Variants in ATP13A4 observed in about 807,000 individuals in gnomAD.
ATP13A4 encodes the protein ATPase 13A4.
A neutral mutation model predicts 142.5 loss-of-function variants in ATP13A4; 114 were observed. The observed-to-expected ratio is 0.80, with a 90% CI of 0.69 to 0.93. The LOEUF is 0.93. ATP13A4 is among the 40% of genes least tolerant of loss of function. The probability of loss-of-function intolerance (pLI) is 0.00; values close to 1 mark genes in which losing one functional copy is unlikely to be tolerated. For missense variants in ATP13A4, 1,392 were observed against 1,454.0 expected, an observed-to-expected ratio of 0.96 and a Z score of 0.69; for synonymous variants, 488 against 514.8, an observed-to-expected ratio of 0.95 and a Z score of 0.70.
chr3:193,430,498 G>A (rs1487273277), intron 25 of ATP13A4, among the ~76,000 whole-genome samples: 4 of 152,122 alleles, frequency 2.6e-5, no homozygotes, highest in African/African-American at 7.2e-5. Flanking sequence ...GGAAAGTACT[G>A]TGAAAACATA....
chr3:193,591,572 C>T (rs1242947876), intron 1 of ATP13A4, among the ~76,000 whole-genome samples: 1 of 152,238 alleles, frequency 6.6e-6, no homozygotes, highest in Non-Finnish European at 1.5e-5. Context: ...TATACATGGA[C>T]ATTTATACTG....
chr3:193,502,652 A>G lies in ATP13A4; in HGVS notation c.235-13T>C, dbSNP rs1243411369. 1.9e-6 allele frequency: 3 copies of G among 1,613,088 alleles called. No homozygotes were observed. The African/African-American group carries it at 4.0e-5, about 22-fold the overall frequency. The stretch of plus-strand genomic sequence containing the variant: ...TTTGGAATTCATCCTGAGGAGATAG[A>G]CATCAAAACCCCCAAGAAGTTAAGA... On this transcript the variant is annotated splice_polypyrimidine_tract_variant and intron_variant, in intron 2 of 29. Transcript: ENST00000342695.
intron 24 of ATP13A4, among the ~76,000 whole-genome samples, chr3:193,434,638 A>G (rs1560183729): frequency 6.6e-6 from 1 of 152,200 alleles, no homozygotes; most frequent in Non-Finnish European, 1.5e-5. Flanking sequence ...TAGAACTAAA[A>G]TCTTTAACCC....
At position 193,467,323 on chromosome 3, in the gene ATP13A4, C is replaced by G. The variant is rs937080309; in HGVS notation, c.1107G>C (p.Leu369=). Residue 369 remains leucine, a synonymous_variant, in exon 10 of 30, where the codon CTG becomes CTC. Transcript: ENST00000342695. The stretch of plus-strand genomic sequence containing the variant: ...AAAGGAGGGGATGCTAACCAGTCTG[C>G]AGTACCACGGCTCTCACGGTCCCAG... ...ACSGTVRAVV[L]QTGFNTAKGD... 1 of 1,614,068 alleles carries G rather than the reference C, an allele frequency of 6.2e-7. No individual in the cohort carries two copies. The highest frequency in any genetic ancestry group is 1.3e-5 in the African/African-American group (1 of 74,920).
intron 28 of ATP13A4, among the ~76,000 whole-genome samples, chr3:193,407,963 C>T (rs1173684084): frequency 5.3e-5 from 8 of 152,244 alleles, no homozygotes; most frequent in African/African-American, 1.4e-4. Flanking sequence ...CACAAGGGCC[C>T]TTGCCAAAGG....
intron 1 of ATP13A4, among the ~76,000 whole-genome samples, chr3:193,523,041 G>A (rs562234737): frequency 2.6e-5 from 4 of 151,900 alleles, no homozygotes; most frequent in South Asian, 4.2e-4. Flanking sequence ...GGTGGCTTAC[G>A]CCTGTAATCC....
chr3:193,443,132 T>C (rs1298365712), intron 18 of ATP13A4, among the ~76,000 whole-genome samples: 2 of 152,114 alleles, frequency 1.3e-5, no homozygotes, highest in Non-Finnish European at 2.9e-5. Context: ...TAAAAAGCTG[T>C]TTGGGCAGTA....
Position 193,459,183 on chromosome 3 carries a change from G to A in ATP13A4, c.1572C>T (p.Gly524=). 6.2e-7 allele frequency: 1 copy of A among 1,614,238 alleles called. No individual in the cohort carries two copies. Among genetic ancestry groups the A allele is most frequent in the Non-Finnish European group, 8.5e-7 (1 of 1,180,044 alleles). Reference sequence around the variant, plus strand: ...AGCTGGCCATCGCTGCACACAGTGGGCCCCATGGCAAAGCCTGGCCTGAGG... The same window carrying A: ...AGCTGGCCATCGCTGCACACAGTGGACCCCATGGCAAAGCCTGGCCTGAGG... ...SFASGQALPW[G]PLCAAMASCH... Residue 524 remains glycine (G), a synonymous_variant, in exon 14 of 30, where the codon GGC becomes GGT. Transcript: ENST00000342695.
At chr3:193,528,435 G>T (rs993618937) in intron 1 of ATP13A4, among the ~76,000 whole-genome samples, 36 of 152,184 alleles carry the variant, frequency 2.4e-4, no homozygotes, top group Non-Finnish European at 5.0e-4. Flanking sequence ...CAGAAAAGGG[G>T]CCCTGGATAT....
At chr3:193,569,906 C>T (rs551253552) in intron 2 of ATP13A4, among the ~76,000 whole-genome samples, 8 of 152,218 alleles carry the variant, frequency 5.3e-5, no homozygotes, top group South Asian at 2.1e-4. Context: ...AAATCGGGTG[C>T]GGGGTATATG....
upstream of ATP13A4, among the ~76,000 whole-genome samples, chr3:193,559,395 T>C (rs1723968080): frequency 6.6e-6 from 1 of 152,182 alleles, no homozygotes; most frequent in Admixed American, 6.5e-5. Flanking sequence ...TACACAAATC[T>C]GCTATTTGTA....
intron 28 of ATP13A4, among the ~76,000 whole-genome samples, chr3:193,410,080 G>A (rs755314297): frequency 4.6e-5 from 7 of 152,278 alleles, no homozygotes; most frequent in Admixed American, 1.3e-4. Flanking sequence ...ATAAAAGTAG[G>A]ATAGGTTAAG....
intron 1 of ATP13A4, among the ~76,000 whole-genome samples, chr3:193,591,887 C>T (rs1200986546): frequency 1.3e-5 from 2 of 152,006 alleles, no homozygotes; most frequent in African/African-American, 4.8e-5. Context: ...TTTTGTACAA[C>T]CCTACAATCC....
At chr3:193,513,069 GA>G (rs1490154466) in intron 2 of ATP13A4, among the ~76,000 whole-genome samples, 1 of 152,214 alleles carries the variant, frequency 6.6e-6, no homozygotes, top group Non-Finnish European at 1.5e-5. Context: ...GAACTTGTGA[GA>G]AGATGCCTCA....
intron 8 of ATP13A4, among the ~76,000 whole-genome samples, chr3:193,473,186 T>C (rs1718719868): frequency 6.6e-6 from 1 of 152,214 alleles, no homozygotes; most frequent in Non-Finnish European, 1.5e-5. Context: ...TCAAAGAATG[T>C]TGGGGACATA....
intron 2 of ATP13A4, among the ~76,000 whole-genome samples, chr3:193,573,305 A>ACT (rs1372225037): frequency 3.9e-5 from 5 of 129,022 alleles, no homozygotes; most frequent in African/African-American, 1.8e-4. Flanking sequence ...ATATATATAT[A>ACT]TACATATATA....
intron 26 of ATP13A4, among the ~76,000 whole-genome samples, chr3:193,412,581 GCA>G (rs1714829402): frequency 6.9e-6 from 1 of 145,078 alleles, no homozygotes; most frequent in Non-Finnish European, 1.5e-5. Flanking sequence ...AAATCAACAA[GCA>G]CAGATAGACC....
chr3:193,420,657 A>AC (rs1226184531), intron 25 of ATP13A4, among the ~76,000 whole-genome samples: 72 of 149,864 alleles, frequency 4.8e-4, no homozygotes, highest in Admixed American at 2.1e-4. Context: ...AATTAGGAAA[A>AC]TTAGGAGAAG....
At chr3:193,403,039 A>G (rs149946916) in intron 29 of ATP13A4, among the ~76,000 whole-genome samples, 175 bp from the exon 30 acceptor site, 22 of 152,274 alleles carry the variant, frequency 1.4e-4, no homozygotes, top group African/African-American at 5.1e-4. Flanking sequence ...GGTTTCTCAA[A>G]CGTTTCTACT....
Sources: gnomAD v4.1 joint callset for allele counts (sites outside exome capture counted in the v4.1 genomes callset) on GRCh38, gnomAD v4.1.1 for gene constraint, MANE v1.5 for transcripts, NCBI Gene and HGNC (gene_info 2026-07-23, HGNC 2026-07-21) for gene names.